Variants in OPRD1 observed in about 807,000 individuals in gnomAD.
OPRD1 encodes the protein opioid receptor delta 1.
In OPRD1, 19 loss-of-function variants were observed where a neutral mutation model predicts 17.5. The observed-to-expected ratio is 1.09, with a 90% CI of 0.76 to 1.60. The LOEUF is 1.60. Among genes scored for constraint, OPRD1 ranks in the 40% most tolerant of loss-of-function variants. OPRD1 has a pLI of 0.00. For missense variants in OPRD1, 483 were observed against 547.2 expected (o/e 0.88, Z 1.17); for synonymous variants, 256 against 240.9 (o/e 1.06, Z -0.58).
At chr1:28,839,806 C>CAA (rs992451967) in intron 1 of OPRD1, among the ~76,000 whole-genome samples, 6 of 152,194 alleles carry the variant, frequency 3.9e-5, no homozygotes, top group Admixed American at 3.9e-4. Context: ...GACTTCAGGG[C>CAA]AAACCGGGTC....
At chr1:28,852,238 A>G (rs1031481472) in intron 1 of OPRD1, among the ~76,000 whole-genome samples, 7 of 151,912 alleles carry the variant, frequency 4.6e-5, no homozygotes, top group African/African-American at 1.4e-4. Flanking sequence ...GACATAGCTC[A>G]TAGCTCACTA....
intron 2 of OPRD1, among the ~76,000 whole-genome samples, chr1:28,861,503 G>T (rs890459342): frequency 4.6e-5 from 7 of 152,106 alleles, no homozygotes; most frequent in Admixed American, 1.3e-4. Flanking sequence ...GGAGTGCAGC[G>T]GCACTATCCC....
Position 28,812,312 on chromosome 1 carries a change from G to T in OPRD1, c.-72G>T. The T allele has an allele frequency of 9.1e-7, 1 of 1,102,072 alleles. No individual in the cohort carries two copies. The highest frequency in any genetic ancestry group is 1.1e-6 in the Non-Finnish European group (1 of 871,204). 68.3% of individuals were successfully genotyped at this position (1,102,072 alleles called of 1,614,324 possible). On this transcript the variant is annotated 5_prime_UTR_variant, in exon 1 of 3. Transcript: ENST00000234961. ...TCGGGGCCGCGGCCTCTGCCTTGCC[G>T]CTCCCCTCGCGTCGGATCCCCGCGC...
intron 1 of OPRD1, among the ~76,000 whole-genome samples, chr1:28,823,082 T>C (rs1338032665): frequency 1.3e-5 from 2 of 152,014 alleles, no homozygotes; most frequent in Non-Finnish European, 2.9e-5. Context: ...TGAGGGGGTG[T>C]CTGGGTTGTG....
intron 1 of OPRD1, among the ~76,000 whole-genome samples, chr1:28,822,927 C>T (rs1451410651): frequency 1.3e-5 from 2 of 152,130 alleles, no homozygotes; most frequent in African/African-American, 4.8e-5. Flanking sequence ...ACCTCAAAAT[C>T]AAATTGGCCA....
rs542802426 is a variant in OPRD1, at chr1:28,863,629, G to T, written c.*346G>T. 79 of 262,492 alleles carry T rather than the reference G, an allele frequency of 3.0e-4. No individual in the cohort carries two copies. The South Asian group carries it at 0.012, about 39-fold the overall frequency. The allele number at this position is 262,492 out of a possible 1,614,324, so 16.3% of individuals were successfully genotyped here. ...AACAGGGCATCTCCAGGAAGGCGGG[G>T]CTTCAACCTTGAGACAGCTTCGGTT... is the stretch of plus-strand genomic sequence containing the variant. On this transcript the variant is annotated 3_prime_UTR_variant, in exon 3 of 3. Transcript: ENST00000234961.
intron 2 of OPRD1, among the ~76,000 whole-genome samples, 158 bp from the exon 3 acceptor site, chr1:28,862,584 C>T (rs1274064676): frequency 6.6e-6 from 1 of 152,194 alleles, no homozygotes. Context: ...AGTACCGAAG[C>T]CGAGGAGGAC....
chr1:28,831,542 T>C (rs2088809220), intron 1 of OPRD1, among the ~76,000 whole-genome samples: 1 of 150,416 alleles, frequency 6.6e-6, no homozygotes, highest in Admixed American at 6.6e-5. Context: ...CAGCAAAGCA[T>C]AGCATACTGA....
At position 28,812,493 on chromosome 1, in the gene OPRD1, C is replaced by T. The variant is rs2088639819; in HGVS notation, c.110C>T (p.Pro37Leu). 1 of 1,556,722 alleles carries T rather than the reference C, an allele frequency of 6.4e-7. No homozygotes were observed. Among genetic ancestry groups the T allele is most frequent in the East Asian group, 2.5e-5 (1 of 40,674 alleles). Reference protein sequence around the residue: ...CPSAGANASGPPGARSASSLA... With the variant: ...CPSAGANASGLPGARSASSLA... ...AGCGCTGGCGCCAATGCGTCGGGGC[C>T]GCCAGGCGCGCGGAGCGCCTCGTCC... is the stretch of plus-strand genomic sequence containing the variant. The change falls in exon 1 of 3, where the codon CCG becomes CTG. Residue 37 changes from proline to leucine, a missense_variant. Coordinates refer to ENST00000234961, the MANE Select transcript of OPRD1 (RefSeq NM_000911.4).
intron 2 of OPRD1, among the ~76,000 whole-genome samples, chr1:28,862,474 A>G (rs2089132053): frequency 6.6e-6 from 1 of 152,184 alleles, no homozygotes; most frequent in Admixed American, 6.5e-5. Context: ...ACGGCCACCC[A>G]TGGACACAAA....
chr1:28,819,603 G>A (rs2088695505), intron 1 of OPRD1, among the ~76,000 whole-genome samples: 1 of 152,208 alleles, frequency 6.6e-6, no homozygotes, highest in South Asian at 2.1e-4. Flanking sequence ...CCCTGTGATG[G>A]GGGCTTTCTG....
chr1:28,816,352 C>G (rs1040149222), intron 1 of OPRD1, among the ~76,000 whole-genome samples: 37 of 151,998 alleles, frequency 2.4e-4, no homozygotes, highest in Non-Finnish European at 7.4e-5. Context: ...ATCAGAGAAG[C>G]CTCTGCAGAG....
chr1:28,855,388 A>G (rs1235927362), intron 1 of OPRD1, among the ~76,000 whole-genome samples: 1 of 152,292 alleles, frequency 6.6e-6, no homozygotes, highest in East Asian at 1.9e-4. Flanking sequence ...GGAGGGGAAC[A>G]TGCTGGGAAC....
intron 1 of OPRD1, among the ~76,000 whole-genome samples, chr1:28,834,914 C>T (rs1006560255): frequency 9.9e-5 from 15 of 152,152 alleles, no homozygotes; most frequent in Non-Finnish European, 1.6e-4. Flanking sequence ...AGGTAACCCT[C>T]CTCTATGTTC....
At chr1:28,836,254 G>A (rs1430088323) in intron 1 of OPRD1, among the ~76,000 whole-genome samples, 5 of 152,108 alleles carry the variant, frequency 3.3e-5, no homozygotes, top group African/African-American at 7.2e-5. Context: ...GGTGGCTCAC[G>A]TCTGTAATCC....
At chr1:28,824,420 T>A (rs1458592711) in intron 1 of OPRD1, among the ~76,000 whole-genome samples, 3 of 150,486 alleles carry the variant, frequency 2.0e-5, no homozygotes, top group African/African-American at 7.3e-5. Context: ...TTCACGGCAT[T>A]CTCCTGCCTC....
chr1:28,844,068 A>G (rs912801115), intron 1 of OPRD1, among the ~76,000 whole-genome samples: 2 of 151,964 alleles, frequency 1.3e-5, no homozygotes, highest in Admixed American at 1.3e-4. Flanking sequence ...GAGGAATTAC[A>G]GTTTTGTTTT....
intron 1 of OPRD1, among the ~76,000 whole-genome samples, chr1:28,854,721 A>G (rs2089039055): frequency 1.3e-5 from 2 of 150,896 alleles, no homozygotes; most frequent in Non-Finnish European, 3.0e-5. Context: ...GGCATGATCT[A>G]GGCTCACTGC....
intron 1 of OPRD1, among the ~76,000 whole-genome samples, chr1:28,829,988 T>C (rs2088797911): frequency 6.6e-6 from 1 of 151,924 alleles, no homozygotes; most frequent in Non-Finnish European, 1.5e-5. Context: ...TGATTATAGG[T>C]GTGAGCCACT....
Sources: allele counts gnomAD v4.1 joint callset (sites outside exome capture counted in the v4.1 genomes callset), GRCh38; gene constraint gnomAD v4.1.1; transcripts MANE v1.5; gene names NCBI Gene and HGNC (gene_info 2026-07-23, HGNC 2026-07-21).